CNTN5: variants seen among roughly 807,000 people sequenced by gnomAD.
The protein encoded by CNTN5 is contactin 5, also known as contactin-5.
In CNTN5, 77 loss-of-function variants were observed where a neutral mutation model predicts 129.1. The observed-to-expected ratio is 0.60, with a 90% CI of 0.50 to 0.72. The LOEUF (loss-of-function observed/expected upper bound fraction) is 0.72. CNTN5 is among the 30% of genes least tolerant of loss of function. The pLI is 0.00. For missense variants in CNTN5, 1,478 were observed against 1,328.8 expected (o/e 1.11, Z -1.75); for synonymous variants, 509 against 465.6 (o/e 1.09, Z -1.20).
chr11:99,930,796 A>ACACAC (rs1950174060), intron 7 of CNTN5, among the ~76,000 whole-genome samples: 167 of 149,558 alleles, frequency 1.1e-3, no homozygotes, highest in African/African-American at 3.9e-3. Flanking sequence ...CATACACACA[A>ACACAC]ACACACACAC....
At chr11:99,923,556 G>A (rs1029874408) in intron 7 of CNTN5, among the ~76,000 whole-genome samples, 2 of 152,032 alleles carry the variant, frequency 1.3e-5, no homozygotes, top group Admixed American at 6.5e-5. Context: ...AAAAGCTTAC[G>A]TTGAAGTGGT....
At chr11:99,282,549 A>T (rs1407611051) in intron 1 of CNTN5, among the ~76,000 whole-genome samples, 1 of 152,044 alleles carries the variant, frequency 6.6e-6, no homozygotes, top group East Asian at 1.9e-4. Flanking sequence ...ATTATGGTAA[A>T]ATTCAAGGAT....
chr11:99,907,414 A>C (rs1456212145), intron 6 of CNTN5, among the ~76,000 whole-genome samples: 1 of 152,012 alleles, frequency 6.6e-6, no homozygotes, highest in East Asian at 1.9e-4. Flanking sequence ...GGGTATTTTT[A>C]CATTATAGTC....
intron 6 of CNTN5, among the ~76,000 whole-genome samples, chr11:99,880,131 A>T (rs1404109231): frequency 6.6e-6 from 1 of 152,190 alleles, no homozygotes; most frequent in Non-Finnish European, 1.5e-5. Context: ...TCACATGCAT[A>T]GCGTGTGTTC....
intron 1 of CNTN5, among the ~76,000 whole-genome samples, chr11:99,301,427 A>G (rs1864629293): frequency 6.6e-6 from 1 of 151,818 alleles, no homozygotes; most frequent in Non-Finnish European, 1.5e-5. Context: ...TATAATCAAG[A>G]GAACTGGAAT....
chr11:99,740,488 C>A (rs902755918), intron 3 of CNTN5, among the ~76,000 whole-genome samples: 1 of 152,062 alleles, frequency 6.6e-6, no homozygotes, highest in Admixed American at 6.6e-5. Flanking sequence ...ATGGAATTAT[C>A]CGTTTTTGAA....
chr11:99,620,027 A>AAAAAAAAAAAAAAAAAAACCAAAAAG (rs1555049924), intron 3 of CNTN5, among the ~76,000 whole-genome samples: 17 of 129,040 alleles, frequency 1.3e-4, no homozygotes, highest in Non-Finnish European at 1.8e-4. Context: ...CTCCGTCTCA[A>AAAAAAAAAAAAAAAAAAACCAAAAAG]AAAAAAAAAA....
chr11:100,000,233 C>A (rs79325579), intron 8 of CNTN5, among the ~76,000 whole-genome samples: 10,727 of 152,110 alleles, frequency 0.071, 785 homozygotes, highest in East Asian at 0.31. Flanking sequence ...TAGTCCTTTC[C>A]ACCTATGAGC....
intron 3 of CNTN5, among the ~76,000 whole-genome samples, chr11:99,559,932 T>G (rs1405238612): frequency 6.6e-6 from 1 of 152,126 alleles, no homozygotes; most frequent in East Asian, 1.9e-4. Flanking sequence ...AATGGCTAAT[T>G]GAAAAAAAGA....
intron 8 of CNTN5, among the ~76,000 whole-genome samples, chr11:99,994,563 C>T (rs949125841): frequency 6.6e-6 from 1 of 152,134 alleles, no homozygotes; most frequent in African/African-American, 2.4e-5. Context: ...CCAGCACTCA[C>T]AGGGACTCAT....
intron 2 of CNTN5, among the ~76,000 whole-genome samples, chr11:99,328,526 A>G (rs2136017661): frequency 6.6e-6 from 1 of 152,218 alleles, no homozygotes; most frequent in East Asian, 1.9e-4. Context: ...GTGTTTTAGA[A>G]AATATTGTTT....
chr11:99,240,859 C>T (rs1032131909), intron 1 of CNTN5, among the ~76,000 whole-genome samples: 2 of 152,074 alleles, frequency 1.3e-5, no homozygotes, highest in Non-Finnish European at 2.9e-5. Context: ...GCGTCTGCCC[C>T]GTAAAACCAA....
chr11:99,135,195 AAGAC>A (rs1432575102), intron 1 of CNTN5, among the ~76,000 whole-genome samples: 2 of 152,326 alleles, frequency 1.3e-5, no homozygotes, highest in South Asian at 2.1e-4. Context: ...CTACAGCAGA[AAGAC>A]AGAATATGAG....
chr11:99,985,310 CAG>C (rs1157643959), intron 8 of CNTN5, among the ~76,000 whole-genome samples: 1 of 152,088 alleles, frequency 6.6e-6, no homozygotes, highest in Non-Finnish European at 1.5e-5. Flanking sequence ...TCTCAGCAGA[CAG>C]GGGAGCAGGA....
Position 100,062,145 on chromosome 11 carries a change from G to A in CNTN5, c.1162+752G>A, listed in dbSNP as rs192925350. On this transcript the variant is annotated intron_variant, in intron 10 of 24. Coordinates refer to ENST00000524871, the MANE Select transcript of CNTN5 (RefSeq NM_014361.4). ...AGTATATATATAATGGGTAAGTTAG[G>A]GTATTCTCATTTTCTAGGTGAGGAC... 2.8e-3 allele frequency among the ~76,000 whole-genome samples: 426 copies of A among 152,104 alleles called. 1 individual carries two copies. The highest frequency in any genetic ancestry group is 6.8e-3 in the Middle Eastern group (2 of 294).
intron 2 of CNTN5, among the ~76,000 whole-genome samples, chr11:99,336,013 C>T (rs1336514387): frequency 1.3e-5 from 2 of 151,926 alleles, no homozygotes; most frequent in Non-Finnish European, 2.9e-5. Context: ...TTTGAGCCTT[C>T]TTCAGCCTAA....
intron 8 of CNTN5, among the ~76,000 whole-genome samples, chr11:99,986,391 C>T (rs1248682307): frequency 1.3e-5 from 2 of 152,042 alleles, no homozygotes; most frequent in Admixed American, 1.3e-4. Flanking sequence ...TCTTATTTAC[C>T]TTTCAGTGAC....
At chr11:99,829,059 A>G (rs1399396400) in intron 4 of CNTN5, among the ~76,000 whole-genome samples, 4 of 152,154 alleles carry the variant, frequency 2.6e-5, no homozygotes, top group Non-Finnish European at 5.9e-5. Flanking sequence ...GTGATGTTTA[A>G]AAAGTGTGAT....
intron 1 of CNTN5, among the ~76,000 whole-genome samples, chr11:99,219,407 A>C (rs2135697769): frequency 6.6e-6 from 1 of 152,050 alleles, no homozygotes; most frequent in South Asian, 2.1e-4. Context: ...ATTGTGAGCA[A>C]GGAGGTGGAT....
Sources: gnomAD v4.1 joint callset for allele counts (sites outside exome capture counted in the v4.1 genomes callset) on GRCh38, gnomAD v4.1.1 for gene constraint, MANE v1.5 for transcripts, NCBI Gene and HGNC (gene_info 2026-07-23, HGNC 2026-07-21) for gene names.